The following CGGBP1 variants were observed in gnomAD, a reference collection of about 807,000 sequenced individuals.
CGGBP1 encodes CGG triplet repeat-binding protein 1.
CGGBP1 carries 4 observed loss-of-function variants against 11.4 expected under a neutral mutation model. The observed-to-expected ratio is 0.35, with a 90% CI of 0.17 to 0.80. The LOEUF (loss-of-function observed/expected upper bound fraction) is 0.80. CGGBP1 is among the 30% of genes least tolerant of loss of function. The probability of loss-of-function intolerance (pLI) is 0.52; values close to 1 mark genes in which losing one functional copy is unlikely to be tolerated. For missense variants in CGGBP1, 135 were observed against 202.1 expected, an observed-to-expected ratio of 0.67 and a Z score of 2.01; for synonymous variants, 76 against 74.1, an observed-to-expected ratio of 1.03 and a Z score of -0.13.
chr3:88,055,942 C>T lies in CGGBP1; in HGVS notation c.35G>A (p.Arg12Gln), dbSNP rs955367173. The change falls in exon 4 of 4, where the codon CGA becomes CAA. Residue 12 changes from arginine (R) to glutamine (Q), a missense_variant. By Grantham distance (43) the Arg-to-Gln change is conservative. Transcript: ENST00000482016. This position sits in a 1 kb window ranked among gnomAD's most constrained non-coding sequence, Gnocchi z 4.2. ...ATACAAAGCAGTCTTAGAACGGTTT[C>T]GAGCAGGTGGTGCTGTTACTACAAA... Reference protein sequence around the residue: ...ERFVVTAPPARNRSKTALYVT... With the variant: ...ERFVVTAPPAQNRSKTALYVT... 1 of 1,613,740 alleles carries T rather than the reference C, an allele frequency of 6.2e-7. No individual in the cohort carries two copies. Among genetic ancestry groups the T allele is most frequent in the African/African-American group, 1.3e-5 (1 of 75,028 alleles).
intron 2 of CGGBP1, among the ~76,000 whole-genome samples, chr3:88,100,108 G>C (rs1424957902): frequency 6.6e-6 from 1 of 152,122 alleles, no homozygotes; most frequent in Admixed American, 6.5e-5. Context: ...AATCTACAAA[G>C]AACTTAAACA....
chr3:88,076,573 T>C (rs1316796822), intron 2 of CGGBP1, among the ~76,000 whole-genome samples: 2 of 152,100 alleles, frequency 1.3e-5, no homozygotes, highest in Non-Finnish European at 2.9e-5. Flanking sequence ...TCATCTGTTT[T>C]GTTTTGTTTT....
Position 88,082,946 on chromosome 3 carries a change from C to T in CGGBP1, c.-228-24723G>A, listed in dbSNP as rs1393332364. ...TCATGGCTTGCAGATGACCTGTGTG[C>T]TCACATGGCCATTCTTTGGTGCATG... On this transcript the variant is annotated intron_variant, in intron 2 of 3. Transcript: ENST00000462901. 6.6e-5 allele frequency among the ~76,000 whole-genome samples: 10 copies of T among 152,198 alleles called. No individual in the cohort carries two copies. The East Asian group carries it at 1.9e-3, about 29-fold the overall frequency.
At chr3:88,093,424 T>C (rs564183517) in intron 2 of CGGBP1, among the ~76,000 whole-genome samples, 27 of 152,306 alleles carry the variant, frequency 1.8e-4, no homozygotes, top group African/African-American at 6.3e-4. Context: ...AGGTGAGTTA[T>C]GGGACAGCAG....
At chr3:88,107,742 C>A (rs1404999784) in intron 2 of CGGBP1, among the ~76,000 whole-genome samples, 3 of 152,082 alleles carry the variant, frequency 2.0e-5, no homozygotes, top group Non-Finnish European at 4.4e-5. Flanking sequence ...TCAGGTGTAT[C>A]TAATCATCCA....
intron 2 of CGGBP1, among the ~76,000 whole-genome samples, chr3:88,108,543 A>G (rs1405639369): frequency 1.3e-5 from 2 of 152,156 alleles, no homozygotes; most frequent in African/African-American, 2.4e-5. Context: ...TAAAATTGCA[A>G]GCTATTCTGA....
At chr3:88,108,573 C>T (rs1335025301) in intron 2 of CGGBP1, among the ~76,000 whole-genome samples, 2 of 152,156 alleles carry the variant, frequency 1.3e-5, no homozygotes, top group African/African-American at 4.8e-5. Flanking sequence ...TGAAATCTCA[C>T]ACCATCCCAA....
chr3:88,069,267 C>A (rs1378491483), intron 2 of CGGBP1, among the ~76,000 whole-genome samples: 1 of 152,058 alleles, frequency 6.6e-6, no homozygotes, highest in African/African-American at 2.4e-5. Context: ...ACTAAAAATA[C>A]AAAAATTAGT....
At chr3:88,107,422 A>G (rs575110382) in intron 2 of CGGBP1, among the ~76,000 whole-genome samples, 3 of 152,270 alleles carry the variant, frequency 2.0e-5, no homozygotes, top group African/African-American at 7.2e-5. Flanking sequence ...TTCTCTGTTT[A>G]TCCACTGCTC....
At chr3:88,059,582 G>C, upstream of CGGBP1, 1 of 1,440,846 alleles carries the variant, frequency 6.9e-7, no homozygotes, top group Non-Finnish European at 9.1e-7. Flanking sequence ...TCTCGTCCAT[G>C]AATCTGGTCT....
intron 2 of CGGBP1, among the ~76,000 whole-genome samples, chr3:88,109,413 T>C: frequency 6.6e-6 from 1 of 152,052 alleles, no homozygotes. Context: ...GGGTAAGAGT[T>C]TATTATATTA....
At chr3:88,137,875 C>CCATG (rs1706891509) in intron 2 of CGGBP1, among the ~76,000 whole-genome samples, 1 of 151,934 alleles carries the variant, frequency 6.6e-6, no homozygotes, top group South Asian at 2.1e-4. Context: ...CTATACTATA[C>CCATG]CATATGTAGG....
intron 2 of CGGBP1, chr3:88,135,510 A>C: frequency 5.5e-6 from 1 of 182,472 alleles, no homozygotes; most frequent in Non-Finnish European, 1.1e-5. Flanking sequence ...CTAATTTGCA[A>C]ATAAACTTGG....
At chr3:88,071,001 C>T (rs760633758) in intron 2 of CGGBP1, among the ~76,000 whole-genome samples, 2 of 151,962 alleles carry the variant, frequency 1.3e-5, no homozygotes, top group African/African-American at 2.4e-5. Context: ...AGATATAAAA[C>T]GTAGGTAGAG....
At chr3:88,101,802 T>A (rs1262357776) in intron 2 of CGGBP1, among the ~76,000 whole-genome samples, 1 of 152,184 alleles carries the variant, frequency 6.6e-6, no homozygotes. Context: ...GGGGTAGCAG[T>A]TTCTTTACAT....
At chr3:88,063,973 A>G (rs545869963), upstream of CGGBP1, among the ~76,000 whole-genome samples, 53 of 152,182 alleles carry the variant, frequency 3.5e-4, no homozygotes, top group African/African-American at 1.1e-3. Context: ...ACCCACTTTC[A>G]TCTTGTGAGT....
intron 2 of CGGBP1, among the ~76,000 whole-genome samples, chr3:88,132,714 C>T (rs1027665663): frequency 2.0e-5 from 3 of 152,168 alleles, no homozygotes; most frequent in Admixed American, 6.6e-5. Context: ...GAAGTATATG[C>T]CAGACACTTC....
rs59130197 is a variant in CGGBP1, at chr3:88,082,082, C to T, written c.-228-23859G>A. 9.2e-3 allele frequency among the ~76,000 whole-genome samples: 1,393 copies of T among 151,872 alleles called. 80 individuals carry two copies. In the East Asian group the frequency reaches 0.16, roughly 18 times the overall value. On this transcript the variant is annotated intron_variant, in intron 2 of 3. Transcript: ENST00000462901. ...GTGTATCACAGCCATTCTTTGACGCCCCTAAAATGGAGGGTAATTGTGACA... is the reference window on the plus strand; with the variant it reads ...GTGTATCACAGCCATTCTTTGACGCTCCTAAAATGGAGGGTAATTGTGACA...
intron 2 of CGGBP1, among the ~76,000 whole-genome samples, chr3:88,065,303 G>A (rs1333992930): frequency 6.6e-6 from 1 of 151,942 alleles, no homozygotes; most frequent in African/African-American, 2.4e-5. Context: ...GCTCCTTAAT[G>A]CCTTTATAGG....
Sources: allele counts gnomAD v4.1 joint callset (sites outside exome capture counted in the v4.1 genomes callset), GRCh38; gene constraint gnomAD v4.1.1; non-coding constraint Gnocchi (gnomAD v3.1); transcripts MANE v1.5; gene names NCBI Gene and HGNC (gene_info 2026-07-23, HGNC 2026-07-21).